Variants in HTRA3 observed in about 807,000 individuals in gnomAD.
HTRA3 encodes the protein HtrA serine peptidase 3, also known as serine protease HTRA3.
In HTRA3, 41 loss-of-function variants were observed where a neutral mutation model predicts 43.2. The ratio of observed to expected loss-of-function variants is 0.95; its 90% confidence interval spans 0.74 to 1.23. The LOEUF (loss-of-function observed/expected upper bound fraction) is 1.23. HTRA3 is among the 50% of genes most tolerant of loss of function. HTRA3 has a pLI of 0.00. For missense variants in HTRA3, 628 were observed against 647.1 expected, an observed-to-expected ratio of 0.97 and a Z score of 0.32; for synonymous variants, 295 against 287.9, an observed-to-expected ratio of 1.02 and a Z score of -0.25.
At chr4:8,288,080 A>G (rs9985550) in intron 3 of HTRA3, among the ~76,000 whole-genome samples, 92,862 of 152,056 alleles carry the variant, frequency 0.61, 28,980 homozygotes, top group East Asian at 0.82. Context: ...TTGTGATGAA[A>G]TCTTTTGCAA....
rs868067451 is a variant in HTRA3, at chr4:8,270,219, G to T, written c.251G>T (p.Arg84Leu). ...LECVRGLCRC[R>L]WSHAVCGTDG... is the part of the protein sequence containing the mutation. ...TGCGTGCGCGGCCTATGCCGCTGCC[G>T]CTGGTCGCACGCCGTGTGTGGCACC... The change falls in exon 1 of 9, where the codon CGC becomes CTC. Residue 84 changes from arginine (R) to leucine (L), a missense_variant. Arg to Leu is a moderately radical substitution (Grantham distance 102). Coordinates refer to ENST00000307358, the MANE Select transcript of HTRA3 (RefSeq NM_053044.5). 2 of 1,536,592 alleles carry T rather than the reference G, an allele frequency of 1.3e-6. No individual in the cohort carries two copies. Among genetic ancestry groups the T allele is most frequent in the Admixed American group, 1.9e-5 (1 of 51,952 alleles).
At chr4:8,283,759 T>C (rs1712849602) in intron 2 of HTRA3, among the ~76,000 whole-genome samples, 1 of 152,212 alleles carries the variant, frequency 6.6e-6, no homozygotes, top group Non-Finnish European at 1.5e-5. Context: ...CTCCAGGGAC[T>C]TGCTTGTTTT....
rs1418020895 is a variant in HTRA3, at chr4:8,282,163, C to G, written c.386-274C>G. 3.3e-5 allele frequency among the ~76,000 whole-genome samples: 5 copies of G among 152,298 alleles called. No homozygotes were observed. The East Asian group carries it at 9.6e-4, about 29-fold the overall frequency. On this transcript the variant is annotated intron_variant, in intron 1 of 8. Transcript: ENST00000307358. ...CCTCTCTCTGAGCCTCCTGCCCAGC[C>G]TAGCAGGGTCCAGTGAGGGGGGTGA...
chr4:8,278,193 A>G (rs1249638530), intron 1 of HTRA3, among the ~76,000 whole-genome samples: 1 of 152,090 alleles, frequency 6.6e-6, no homozygotes, highest in Admixed American at 6.5e-5. Context: ...ACAGTCCCCC[A>G]GGACTCCTGG....
At chr4:8,299,658 G>T (rs932899451) in intron 6 of HTRA3, among the ~76,000 whole-genome samples, 1 of 151,978 alleles carries the variant, frequency 6.6e-6, no homozygotes, top group African/African-American at 2.4e-5. Context: ...TCTATTTCTG[G>T]TTTTTATTGG....
intron 1 of HTRA3, among the ~76,000 whole-genome samples, chr4:8,273,745 C>T (rs1712402044): frequency 6.6e-6 from 1 of 151,926 alleles, no homozygotes; most frequent in Non-Finnish European, 1.5e-5. Context: ...CCCCTCATTC[C>T]CCTCTTCCCC....
In HTRA3 at chr4:8,306,127, G is replaced by A. The variant is rs757297374; in HGVS notation, c.1353G>A (p.Val451=). 3 of 1,579,438 alleles carry A rather than the reference G, an allele frequency of 1.9e-6. No individual in the cohort carries two copies. Among genetic ancestry groups the A allele is most frequent in the Admixed American group, 1.7e-5 (1 of 58,100 alleles). Residue 451 remains valine (V), a synonymous_variant, in exon 9 of 9, where the codon GTG becomes GTA. Transcript: ENST00000307358. The surrounding 1 kb of genome is among the most constrained non-coding windows in gnomAD (Gnocchi z 8.9). The part of the protein sequence containing the change: ...DDLLFSIAPE[V]VM ...TCCTCTTCAGCATCGCACCTGAGGT[G>A]GTCATGTGAGGGGCGCATTCCTCCA...
rs1459019181 is a variant in HTRA3, at chr4:8,292,211, TGA to T, written c.904-107_904-106del. ...TGAGGCCTTTCGATGCTGCTGAGGA[TGA>T]GACCTGCTTATGTGTCTCTGCACTG... On this transcript the variant is annotated intron_variant, in intron 4 of 8. Transcript: ENST00000307358. 3.0e-5 allele frequency: 27 copies of T among 895,192 alleles called. No individual in the cohort carries two copies. In the Middle Eastern group the frequency reaches 1.3e-3, roughly 44 times the overall value. The allele number at this position is 895,192 out of a possible 1,614,324, so 55.5% of individuals were successfully genotyped here. A position where few individuals can be genotyped will look rare whatever the true frequency, so the allele number is the denominator to read the frequency against.
At chr4:8,284,615 C>A (rs6447855) in intron 2 of HTRA3, among the ~76,000 whole-genome samples, 1 of 152,080 alleles carries the variant, frequency 6.6e-6, no homozygotes, top group Non-Finnish European at 1.5e-5. Flanking sequence ...CTGGGGCTTC[C>A]GCAGGCAAAA....
chr4:8,304,936 AC>A (rs1379747660), intron 8 of HTRA3, among the ~76,000 whole-genome samples: 1 of 151,750 alleles, frequency 6.6e-6, no homozygotes, highest in Admixed American at 6.6e-5. Context: ...TGGGATTTCT[AC>A]CCCCAGGAGA....
At chr4:8,300,471 T>G (rs1713596740) in intron 6 of HTRA3, among the ~76,000 whole-genome samples, 1 of 152,192 alleles carries the variant, frequency 6.6e-6, no homozygotes, top group Non-Finnish European at 1.5e-5. Context: ...GTTTGGAAAT[T>G]TCAAGAAATT....
In HTRA3 at chr4:8,269,962, T is replaced by G; in HGVS notation, c.-7T>G. On this transcript the variant is annotated 5_prime_UTR_variant, in exon 1 of 9. Coordinates refer to ENST00000307358, the MANE Select transcript of HTRA3 (RefSeq NM_053044.5). ...CCGCGCTGCCACCCGCCGCCGGCCC[T>G]GCCGCCATGCAGGCGCGAGCGCTGC... 1 of 1,146,944 alleles carries G rather than the reference T, an allele frequency of 8.7e-7. No homozygotes were observed. The highest frequency in any genetic ancestry group is 1.1e-6 in the Non-Finnish European group (1 of 934,188). 71.0% of individuals were successfully genotyped at this position (1,146,944 alleles called of 1,614,324 possible).
intron 1 of HTRA3, among the ~76,000 whole-genome samples, chr4:8,273,810 G>A (rs540770910): frequency 8.5e-4 from 127 of 149,340 alleles, no homozygotes; most frequent in Middle Eastern, 6.8e-3. Context: ...TTTGGGACTT[G>A]GTGTGGGGGT....
intron 3 of HTRA3, among the ~76,000 whole-genome samples, chr4:8,291,014 G>A (rs914882849): frequency 3.3e-5 from 5 of 152,200 alleles, no homozygotes; most frequent in Non-Finnish European, 7.3e-5. Flanking sequence ...TTTTTACCAG[G>A]TGTCTGCAGC....
chr4:8,283,254 A>G (rs911636429), intron 2 of HTRA3, among the ~76,000 whole-genome samples: 2 of 152,178 alleles, frequency 1.3e-5, no homozygotes, highest in African/African-American at 4.8e-5. Flanking sequence ...GGGAAGCGGG[A>G]TGTCCCAGCC....
chr4:8,271,122 AG>A (rs1259282166), intron 1 of HTRA3, among the ~76,000 whole-genome samples: 1 of 152,166 alleles, frequency 6.6e-6, no homozygotes, highest in Non-Finnish European at 1.5e-5. Context: ...TGCAGGTGGC[AG>A]GGAGAGATGC....
In HTRA3 at chr4:8,306,304, G is replaced by T; in HGVS notation, c.*168G>T. On this transcript the variant is annotated 3_prime_UTR_variant, in exon 9 of 9. Transcript: ENST00000307358. This position sits in a 1 kb window ranked among gnomAD's most constrained non-coding sequence, Gnocchi z 8.9. Reference sequence around the variant, plus strand: ...GGCTTGGCCAGGGGCCCGAATTTCCGCCTGGGGAGTGTTGGATCCACATCC... The same window carrying T: ...GGCTTGGCCAGGGGCCCGAATTTCCTCCTGGGGAGTGTTGGATCCACATCC... 2 of 655,584 alleles carry T rather than the reference G, an allele frequency of 3.1e-6. No homozygotes were observed. Among genetic ancestry groups the T allele is most frequent in the Non-Finnish European group, 4.9e-6 (2 of 405,118 alleles). 40.6% of individuals were successfully genotyped at this position (655,584 alleles called of 1,614,324 possible). A position where few individuals can be genotyped will look rare whatever the true frequency, so the allele number is the denominator to read the frequency against.
In HTRA3 at chr4:8,297,518, G is replaced by C. The variant is rs139280746; in HGVS notation, c.1051+3317G>C. 6.6e-6 allele frequency among the ~76,000 whole-genome samples: 1 copy of C among 152,160 alleles called. No homozygotes were observed. Among genetic ancestry groups the C allele is most frequent in the Non-Finnish European group, 1.5e-5 (1 of 68,028 alleles). ...ACGCCCCCAGATGCCACAGATCAAA[G>C]TGAGGGGTGCTGGGAGGAGGCTGGG... On this transcript the variant is annotated intron_variant, in intron 6 of 8. Coordinates refer to ENST00000307358, the MANE Select transcript of HTRA3 (RefSeq NM_053044.5). The surrounding 1 kb of genome is among the most constrained non-coding windows in gnomAD (Gnocchi z 5.8).
chr4:8,280,707 G>A (rs528736454), intron 1 of HTRA3, among the ~76,000 whole-genome samples: 9 of 150,534 alleles, frequency 6.0e-5, no homozygotes, highest in Non-Finnish European at 1.0e-4. Context: ...CTGCCGCAGT[G>A]GTTTGATCTA....
Sources: allele counts gnomAD v4.1 joint callset (sites outside exome capture counted in the v4.1 genomes callset), GRCh38; gene constraint gnomAD v4.1.1; non-coding constraint Gnocchi (gnomAD v3.1); transcripts MANE v1.5; gene names NCBI Gene and HGNC (gene_info 2026-07-23, HGNC 2026-07-21).